Variants in OLFM3 observed in about 807,000 individuals in gnomAD.
OLFM3 encodes the protein noelin-3.
OLFM3 carries 20 observed loss-of-function variants against 48.6 expected under a neutral mutation model. That is an observed-to-expected ratio of 0.41 (90% confidence interval 0.29 to 0.60). The LOEUF is 0.60. OLFM3 is among the 20% of genes least tolerant of loss of function. The pLI is 0.28. For missense variants in OLFM3, 437 were observed against 544.3 expected, an observed-to-expected ratio of 0.80 and a Z score of 1.96; for synonymous variants, 222 against 198.1, an observed-to-expected ratio of 1.12 and a Z score of -1.01.
At chr1:101,806,219 C>T (rs72729629) in intron 4 of OLFM3, 37 bp from the exon 5 acceptor site, 22,909 of 1,494,748 alleles carry the variant, frequency 0.015, 244 homozygotes, top group Middle Eastern at 0.036. Context: ...TAGGTGAACG[C>T]AGCCAATGAT....
intron 1 of OLFM3, among the ~76,000 whole-genome samples, chr1:101,897,675 CA>C (rs1334699064): frequency 6.6e-6 from 1 of 152,042 alleles, no homozygotes; most frequent in African/African-American, 2.4e-5. Flanking sequence ...ATATTAGAAA[CA>C]GCTATGATTT....
At chr1:101,864,214 T>A (rs1327127821) in intron 1 of OLFM3, among the ~76,000 whole-genome samples, 1 of 151,986 alleles carries the variant, frequency 6.6e-6, no homozygotes, top group Non-Finnish European at 1.5e-5. Flanking sequence ...TTTTCCAAAA[T>A]CTTTAATATT....
intron 1 of OLFM3, among the ~76,000 whole-genome samples, chr1:101,981,461 T>A (rs886421974): frequency 6.6e-6 from 1 of 152,214 alleles, no homozygotes; most frequent in Admixed American, 6.5e-5. Context: ...TGCCATATTC[T>A]CCTCTAGGTA....
chr1:101,926,652 C>A (rs1659278230), intron 1 of OLFM3, among the ~76,000 whole-genome samples: 1 of 152,168 alleles, frequency 6.6e-6, no homozygotes, highest in African/African-American at 2.4e-5. Context: ...AATTTTTAGG[C>A]TCCTCCCTGG....
At chr1:101,958,838 TA>T (rs1557746699) in intron 1 of OLFM3, among the ~76,000 whole-genome samples, 3 of 20,364 alleles carry the variant, frequency 1.5e-4, no homozygotes, top group African/African-American at 1.9e-4. Context: ...AGTGATATTA[TA>T]TATATATATA....
chr1:101,824,966 A>G, intron 4 of OLFM3, 60 bp downstream of exon 4: 1 of 1,424,532 alleles, frequency 7.0e-7, no homozygotes, highest in Non-Finnish European at 9.8e-7. Context: ...ACGTAAGAGC[A>G]CAATTTTCTT....
At chr1:101,887,017 T>G (rs1657789873) in intron 1 of OLFM3, among the ~76,000 whole-genome samples, 1 of 152,068 alleles carries the variant, frequency 6.6e-6, no homozygotes, top group Admixed American at 6.6e-5. Flanking sequence ...TATTTGCTAT[T>G]AGAACAATTA....
intron 1 of OLFM3, among the ~76,000 whole-genome samples, chr1:101,920,677 A>T (rs1167568842): frequency 2.0e-5 from 3 of 152,206 alleles, no homozygotes; most frequent in African/African-American, 7.2e-5. Flanking sequence ...AAGGATTGAC[A>T]AGTGATAGAG....
chr1:101,973,233 A>G (rs1660859366), intron 1 of OLFM3, among the ~76,000 whole-genome samples: 1 of 152,208 alleles, frequency 6.6e-6, no homozygotes, highest in Non-Finnish European at 1.5e-5. Flanking sequence ...ATTTAGTCTG[A>G]GACTGATGGC....
intron 1 of OLFM3, among the ~76,000 whole-genome samples, chr1:101,983,735 TA>T (rs1279492817): frequency 6.6e-6 from 1 of 152,220 alleles, no homozygotes; most frequent in Non-Finnish European, 1.5e-5. Context: ...TATTTGCAAT[TA>T]AATAAGCAAA....
At chr1:101,939,800 T>C (rs1457779331) in intron 1 of OLFM3, among the ~76,000 whole-genome samples, 1 of 152,170 alleles carries the variant, frequency 6.6e-6, no homozygotes. Context: ...GGGAAGTCTT[T>C]TGTTTTTGCT....
intron 4 of OLFM3, among the ~76,000 whole-genome samples, chr1:101,819,105 C>T (rs978074996): frequency 3.3e-5 from 5 of 151,992 alleles, no homozygotes; most frequent in African/African-American, 2.4e-5. Context: ...TGTGGGAGAC[C>T]ATGCCAGGGG....
At chr1:101,816,247 C>T (rs1320921460) in intron 4 of OLFM3, among the ~76,000 whole-genome samples, 2 of 151,902 alleles carry the variant, frequency 1.3e-5, no homozygotes, top group African/African-American at 4.8e-5. Flanking sequence ...AAGATTCTTT[C>T]AAGGGAAAAG....
At chr1:101,954,175 T>C (rs954205450) in intron 1 of OLFM3, among the ~76,000 whole-genome samples, 2 of 152,130 alleles carry the variant, frequency 1.3e-5, no homozygotes. Context: ...CTACCATATC[T>C]TTTATAATTA....
rs1440891829 is a variant in OLFM3, at chr1:101,856,912, G to A, written c.70-19887C>T. On this transcript the variant is annotated intron_variant, in intron 1 of 5. Coordinates refer to ENST00000370103, the MANE Select transcript of OLFM3 (RefSeq NM_058170.4). ...GGGATATAATGGAGGAGAAAAAGAA[G>A]AGGGAATTAGTACCACATAGTGTAA... Among the ~76,000 whole-genome samples, 5 of 151,998 alleles carry A rather than the reference G, an allele frequency of 3.3e-5. No individual in the cohort carries two copies. The East Asian group carries it at 7.7e-4, about 23-fold the overall frequency.
chr1:101,932,691 T>G (rs189514752), intron 1 of OLFM3, among the ~76,000 whole-genome samples: 335 of 152,040 alleles, frequency 2.2e-3, no homozygotes, highest in African/African-American at 7.8e-3. Flanking sequence ...TGAAAGAACA[T>G]CAACCCACAC....
At chr1:101,816,234 T>C (rs1413681088) in intron 4 of OLFM3, among the ~76,000 whole-genome samples, 2 of 152,074 alleles carry the variant, frequency 1.3e-5, no homozygotes, top group Non-Finnish European at 2.9e-5. Flanking sequence ...GTAGCAGCTA[T>C]AAAAGATTCT....
At chr1:101,843,187 A>G (rs1655813495) in intron 1 of OLFM3, among the ~76,000 whole-genome samples, 1 of 152,236 alleles carries the variant, frequency 6.6e-6, no homozygotes, top group Non-Finnish European at 1.5e-5. Context: ...GTAGTTATTC[A>G]TGAGGAGAAG....
intron 2 of OLFM3, among the ~76,000 whole-genome samples, chr1:101,831,869 T>C (rs1655168847): frequency 2.0e-5 from 3 of 152,216 alleles, no homozygotes; most frequent in Admixed American, 2.0e-4. Context: ...TGTAAAGATC[T>C]TCATAAAATT....
Sources: gnomAD v4.1 joint callset for allele counts (sites outside exome capture counted in the v4.1 genomes callset) on GRCh38, gnomAD v4.1.1 for gene constraint, MANE v1.5 for transcripts, NCBI Gene and HGNC (gene_info 2026-07-23, HGNC 2026-07-21) for gene names.